Variants in FAAP20 observed in about 807,000 individuals in gnomAD.
FAAP20 encodes the protein Fanconi anemia core complex-associated protein 20.
A neutral mutation model predicts 16.2 loss-of-function variants in FAAP20; 12 were observed. The ratio of observed to expected loss-of-function variants is 0.74; its 90% CI spans 0.48 to 1.20. The LOEUF (loss-of-function observed/expected upper bound fraction) is 1.20, where lower values mean the gene tolerates loss of function less well. FAAP20 is among the 50% of genes most tolerant of loss of function. The probability of loss-of-function intolerance (pLI) is 0.00; values close to 1 mark genes in which losing one functional copy is unlikely to be tolerated. For missense variants in FAAP20, 288 were observed against 245.8 expected (o/e 1.17, Z -1.15); for synonymous variants, 141 against 110.7 (o/e 1.27, Z -1.72).
downstream of FAAP20, chr1:2,185,920 CA>C (rs573637472): frequency 9.6e-4 from 329 of 343,618 alleles, no homozygotes; most frequent in Middle Eastern, 3.2e-3. Context: ...GATGACCCTA[CA>C]AACACCCAGA....
upstream of FAAP20, chr1:2,200,990 C>G: frequency 1.6e-6 from 2 of 1,247,772 alleles, no homozygotes; most frequent in South Asian, 2.6e-5. Flanking sequence ...CTGGGGACAG[C>G]CCTTGATGTC....
chr1:2,196,506 G>C (rs142047093), upstream of FAAP20, among the ~76,000 whole-genome samples: 5 of 150,854 alleles, frequency 3.3e-5, no homozygotes, highest in Admixed American at 3.3e-4. The surrounding 1 kb of genome is among the most constrained non-coding windows in gnomAD (Gnocchi z 4.5). Flanking sequence ...CTGCAGTGAG[G>C]CAAGATCGTG....
At chr1:2,200,227 C>T (rs538054837), upstream of FAAP20, 2 of 151,444 alleles carry the variant, frequency 1.3e-5, no homozygotes, top group East Asian at 1.9e-4. Flanking sequence ...GAAACCCCAT[C>T]TCTACTAAAG....
upstream of FAAP20, among the ~76,000 whole-genome samples, chr1:2,197,222 G>A (rs1295990270): frequency 1.3e-5 from 2 of 152,222 alleles, no homozygotes; most frequent in African/African-American, 2.4e-5. Flanking sequence ...CTTTCTGGGC[G>A]GGAGGACCCA....
At chr1:2,207,531 G>C (rs888856383), downstream of FAAP20, 2 of 152,294 alleles carry the variant, frequency 1.3e-5, no homozygotes, top group Admixed American at 6.5e-5. Context: ...GGCCCTACCC[G>C]GGGCCCGGAC....
chr1:2,194,258 T>C, intron 1 of FAAP20, 125 bp from the exon 2 acceptor site: 1 of 1,075,750 alleles, frequency 9.3e-7, no homozygotes, highest in Non-Finnish European at 1.2e-6. Flanking sequence ...AATTCGATGG[T>C]GCGGGAGGTG....
chr1:2,210,034 G>T (rs892754868), downstream of FAAP20, among the ~76,000 whole-genome samples: 3 of 152,190 alleles, frequency 2.0e-5, no homozygotes, highest in Non-Finnish European at 4.4e-5. Flanking sequence ...GCCTCAGGGT[G>T]GGGGGTCCTG....
rs1688536475 is a variant in FAAP20 at position 2,193,820 on chromosome 1, GGCCCC to G, written c.284_288del (p.Trp95SerfsTer29). The G allele has an allele frequency of 6.2e-7, 1 of 1,609,890 alleles. No homozygotes were observed. The highest frequency in any genetic ancestry group is 1.3e-5 in the African/African-American group (1 of 74,668). On this transcript the variant is annotated frameshift_variant, in exon 3 of 4. Coordinates refer to ENST00000378546, the MANE Select transcript of FAAP20 (RefSeq NM_182533.4). LOFTEE classifies it high-confidence loss of function. ...TGAAGCAGCCGGTAGGAACGGCCCG[GGCCCC>G]ACAGGTCCGGCGGAAAGGGTGTCCA... is the stretch of plus-strand genomic sequence containing the variant.
At chr1:2,197,979 G>C (rs1688889746), upstream of FAAP20, 2 of 1,278,076 alleles carry the variant, frequency 1.6e-6, no homozygotes, top group African/African-American at 3.0e-5. Flanking sequence ...TCAAGACAAG[G>C]AAGCATGTTC....
chr1:2,196,762 C>G (rs527760256), upstream of FAAP20, among the ~76,000 whole-genome samples: 8 of 152,318 alleles, frequency 5.3e-5, no homozygotes, highest in South Asian at 4.1e-4. This position sits in a 1 kb window ranked among gnomAD's most constrained non-coding sequence, Gnocchi z 4.5. Flanking sequence ...ACCACCTGAG[C>G]CTAGGAGGCA....
chr1:2,189,499 T>G, downstream of FAAP20: 1 of 599,030 alleles, frequency 1.7e-6, no homozygotes, highest in Non-Finnish European at 3.0e-6. Flanking sequence ...CTGATTGCAC[T>G]GCAGTGAATC....
Position 2,193,624 on chromosome 1 carries a change from G to A in FAAP20, c.470+15C>T, listed in dbSNP as rs754839843. ...GGATGGATAACCGGGCCGGGCGCAG[G>A]GGTGGCCTACTCACCTGGGGGCGAA... On this transcript the variant is annotated intron_variant, in intron 3 of 3. Transcript: ENST00000378546. 2 of 1,590,526 alleles carry A rather than the reference G, an allele frequency of 1.3e-6. No homozygotes were observed. The highest frequency in any genetic ancestry group is 2.2e-5 in the East Asian group (1 of 44,640).
chr1:2,211,394 TA>T (rs1689432865), downstream of FAAP20, among the ~76,000 whole-genome samples: 1 of 87,008 alleles, frequency 1.1e-5, no homozygotes, highest in Non-Finnish European at 2.1e-5. Context: ...CACGCCTGGC[TA>T]ATTTTATATA....
downstream of FAAP20, among the ~76,000 whole-genome samples, chr1:2,209,079 G>A (rs1689364424): frequency 6.6e-6 from 1 of 152,150 alleles, no homozygotes; most frequent in South Asian, 2.1e-4. Context: ...GTTCCCCAGG[G>A]GAGCAAAGCT....
At chr1:2,190,090 T>C (rs1557775943) in intron 3 of FAAP20, 1 of 562,430 alleles carries the variant, frequency 1.8e-6, no homozygotes, top group Non-Finnish European at 3.4e-6. Context: ...AACGCGCTCA[T>C]CGTGGAGCCC....
chr1:2,197,853 G>A (rs368849676), upstream of FAAP20, among the ~76,000 whole-genome samples: 64 of 152,302 alleles, frequency 4.2e-4, no homozygotes, highest in East Asian at 0.01. Flanking sequence ...CTCTGGGCAC[G>A]TGGCGGGTGC....
At chr1:2,184,943 C>A, downstream of FAAP20, 1 of 1,613,926 alleles carries the variant, frequency 6.2e-7, no homozygotes, top group Non-Finnish European at 8.5e-7. Flanking sequence ...AGAGGATCGA[C>A]CAGTCAGAGT....
At chr1:2,184,624 C>T, downstream of FAAP20, 1 of 1,614,096 alleles carries the variant, frequency 6.2e-7, no homozygotes, top group Non-Finnish European at 8.5e-7. Flanking sequence ...AGCCACAGAT[C>T]ACAGACGACT....
upstream of FAAP20, among the ~76,000 whole-genome samples, chr1:2,197,111 C>G (rs985389081): frequency 6.6e-6 from 1 of 152,212 alleles, no homozygotes; most frequent in Non-Finnish European, 1.5e-5. Context: ...CCTTCCCTGC[C>G]TGGGTCCCTT....
Sources: gnomAD v4.1 joint callset for allele counts (sites outside exome capture counted in the v4.1 genomes callset) on GRCh38, gnomAD v4.1.1 for gene constraint, Gnocchi (gnomAD v3.1) non-coding constraint, MANE v1.5 for transcripts, NCBI Gene and HGNC (gene_info 2026-07-23, HGNC 2026-07-21) for gene names.